The following PIP5K1B variants were observed in gnomAD, a reference collection of about 807,000 sequenced individuals.
The protein encoded by PIP5K1B is phosphatidylinositol 4-phosphate 5-kinase type-1 beta.
A neutral mutation model predicts 67.0 loss-of-function variants in PIP5K1B; 42 were observed. That is an observed-to-expected ratio of 0.63 (90% CI 0.49 to 0.81). The LOEUF (loss-of-function observed/expected upper bound fraction) is 0.81, where lower values mean the gene tolerates loss of function less well. Among genes scored for constraint, PIP5K1B ranks in the 30% least tolerant of loss-of-function variants. The pLI, the probability that PIP5K1B is intolerant of heterozygous loss-of-function variation, is 0.00. For missense variants in PIP5K1B, 459 were observed against 646.3 expected (o/e 0.71, Z 3.14); for synonymous variants, 214 against 231.4 (o/e 0.92, Z 0.68).
In PIP5K1B at chr9:68,972,979, C is replaced by T. The variant is rs1450276127; in HGVS notation, c.1503-18161C>T. Among the ~76,000 whole-genome samples, 5 of 152,182 alleles carry T rather than the reference C, an allele frequency of 3.3e-5. 1 individual carries two copies. Among genetic ancestry groups the T allele is most frequent in the Admixed American group, 1.3e-4 (2 of 15,274 alleles). On this transcript the variant is annotated intron_variant, in intron 14 of 15. Transcript: ENST00000265382. ...CTTCCGAAGGCAAGCAGATGGTAGA[C>T]ACTTGCACATGTTATTATTTACATC... is the stretch of plus-strand genomic sequence containing the variant.
intron 2 of PIP5K1B, among the ~76,000 whole-genome samples, chr9:68,797,750 C>G (rs1329978400): frequency 2.0e-5 from 3 of 152,160 alleles, no homozygotes; most frequent in African/African-American, 7.2e-5. Flanking sequence ...TTCAAATTAT[C>G]TGCTAAATTT....
chr9:68,736,525 C>T (rs1399515196), intron 1 of PIP5K1B, among the ~76,000 whole-genome samples: 2 of 152,190 alleles, frequency 1.3e-5, no homozygotes, highest in African/African-American at 4.8e-5. Context: ...TTTATTATCT[C>T]ACAGTTCTGG....
intron 2 of PIP5K1B, among the ~76,000 whole-genome samples, chr9:68,811,111 G>C (rs866990588): frequency 6.6e-6 from 1 of 152,048 alleles, no homozygotes; most frequent in Non-Finnish European, 1.5e-5. Context: ...CTGACTACTT[G>C]GTAGTGATCT....
chr9:68,921,946 TATTTTTGTTTGTTTTCAG>T lies in PIP5K1B; in HGVS notation c.1117-1354_1117-1337del, dbSNP rs556358114. ...CTGTGCTGGTTATATATCATGAACCTATTTTTGTTTGTTTTCAGACATGGCTCTTACTTAAACAATGTT... is the reference window on the plus strand; with the variant it reads ...CTGTGCTGGTTATATATCATGAACCTACATGGCTCTTACTTAAACAATGTT... On this transcript the variant is annotated intron_variant, in intron 11 of 15. Transcript: ENST00000265382. 6.5e-3 allele frequency among the ~76,000 whole-genome samples: 984 copies of T among 152,364 alleles called. 5 individuals carry two copies. Among genetic ancestry groups the T allele is most frequent in the Non-Finnish European group, 0.011 (766 of 68,032 alleles).
chr9:68,993,623 C>A (rs1217993475), intron 15 of PIP5K1B, among the ~76,000 whole-genome samples: 1 of 152,108 alleles, frequency 6.6e-6, no homozygotes, highest in Non-Finnish European at 1.5e-5. Context: ...CCACCCCCAA[C>A]CAAGAAAATG....
rs117964220 is a variant in PIP5K1B at position 68,783,800 on chromosome 9, G to T, written c.-85-34661G>T. 9.2e-3 allele frequency: 1,540 copies of T among 166,972 alleles called. 17 individuals are homozygous for T. The highest frequency in any genetic ancestry group is 0.017 in the Non-Finnish European group (1,156 of 68,106). The allele number at this position is 166,972 out of a possible 1,614,324, so 10.3% of individuals were successfully genotyped here. A position where few individuals can be genotyped will look rare whatever the true frequency, so the allele number is the denominator to read the frequency against. On this transcript the variant is annotated intron_variant, in intron 2 of 15. Coordinates refer to ENST00000265382, the MANE Select transcript of PIP5K1B (RefSeq NM_003558.4). ...TGTGCTCCTCACACTCACTCTGGTC[G>T]GCTATCCATTCATTCTCCATACAGC...
At chr9:68,996,616 T>C (rs1195813722) in intron 15 of PIP5K1B, among the ~76,000 whole-genome samples, 2 of 152,186 alleles carry the variant, frequency 1.3e-5, no homozygotes, top group Non-Finnish European at 2.9e-5. Context: ...TCCCAGATAT[T>C]CTAAGGCACC....
chr9:68,972,899 A>G (rs1156345971), intron 14 of PIP5K1B, among the ~76,000 whole-genome samples: 3 of 152,322 alleles, frequency 2.0e-5, no homozygotes, highest in East Asian at 1.9e-4. Flanking sequence ...CCAGGAGACA[A>G]TGAGGAGGGT....
intron 2 of PIP5K1B, among the ~76,000 whole-genome samples, chr9:68,758,086 G>A (rs1003294821): frequency 1.3e-5 from 2 of 152,134 alleles, no homozygotes; most frequent in African/African-American, 2.4e-5. Flanking sequence ...ACGGAAAGAG[G>A]TTTAGAACTT....
chr9:68,734,122 T>C (rs1265393878), intron 1 of PIP5K1B, among the ~76,000 whole-genome samples: 1 of 152,212 alleles, frequency 6.6e-6, no homozygotes, highest in Non-Finnish European at 1.5e-5. Context: ...GGGGTAATTA[T>C]ATTCCTACCT....
At chr9:68,868,564 A>G (rs1408690753) in intron 5 of PIP5K1B, among the ~76,000 whole-genome samples, 1 of 152,174 alleles carries the variant, frequency 6.6e-6, no homozygotes, top group Non-Finnish European at 1.5e-5. Flanking sequence ...CATTGTGGCA[A>G]TAAAGCATGG....
At chr9:68,844,239 C>T (rs189517201) in intron 4 of PIP5K1B, among the ~76,000 whole-genome samples, 12 of 152,308 alleles carry the variant, frequency 7.9e-5, no homozygotes, top group Admixed American at 7.2e-4. Flanking sequence ...CTGAGTTAAG[C>T]TCTGAGCAAG....
At chr9:68,783,684 C>G (rs549314052) in intron 2 of PIP5K1B, 17 of 167,134 alleles carry the variant, frequency 1.0e-4, no homozygotes, top group African/African-American at 3.4e-4. Context: ...CAGCTAGAAT[C>G]TATCTCCTTA....
intron 15 of PIP5K1B, among the ~76,000 whole-genome samples, chr9:69,001,620 G>T (rs1382709339): frequency 2.6e-5 from 4 of 152,082 alleles, no homozygotes; most frequent in Non-Finnish European, 5.9e-5. Context: ...AGACAGAAGT[G>T]GCAATCACCA....
intron 2 of PIP5K1B, among the ~76,000 whole-genome samples, chr9:68,813,664 A>G (rs1833282313): frequency 5.9e-5 from 9 of 152,206 alleles, no homozygotes; most frequent in African/African-American, 1.9e-4. Context: ...GGTGAGCTCT[A>G]ACCTAGTATA....
At chr9:68,853,672 G>A (rs1357081289) in intron 4 of PIP5K1B, among the ~76,000 whole-genome samples, 1 of 152,176 alleles carries the variant, frequency 6.6e-6, no homozygotes, top group African/African-American at 2.4e-5. Flanking sequence ...AGGACACTGA[G>A]CTCTAGAGAG....
chr9:68,943,420 C>T (rs1039591634), intron 14 of PIP5K1B, among the ~76,000 whole-genome samples: 47 of 152,100 alleles, frequency 3.1e-4, no homozygotes, highest in Admixed American at 6.6e-5. Context: ...TTGAGAACTC[C>T]CAGGAGTCAA....
At chr9:68,978,779 T>C (rs1829750638) in intron 14 of PIP5K1B, among the ~76,000 whole-genome samples, 1 of 152,210 alleles carries the variant, frequency 6.6e-6, no homozygotes, top group South Asian at 2.1e-4. Flanking sequence ...GAAAAATATG[T>C]ACCCAAGTTA....
chr9:68,976,420 G>A (rs1297325918), intron 14 of PIP5K1B, among the ~76,000 whole-genome samples: 6 of 152,186 alleles, frequency 3.9e-5, no homozygotes, highest in Non-Finnish European at 8.8e-5. Context: ...GAACTGTGGA[G>A]TACAGGAAAA....
Sources: gnomAD v4.1 joint callset for allele counts (sites outside exome capture counted in the v4.1 genomes callset) on GRCh38, gnomAD v4.1.1 for gene constraint, MANE v1.5 for transcripts, NCBI Gene and HGNC (gene_info 2026-07-23, HGNC 2026-07-21) for gene names.